The following BTN2A1 variants were observed in gnomAD, a reference collection of about 807,000 sequenced individuals.
BTN2A1 encodes the protein butyrophilin subfamily 2 member A1, also known as butyrophilin, subfamily 2, member A1.
In BTN2A1, 41 loss-of-function variants were observed where a neutral mutation model predicts 34.5. The observed-to-expected ratio is 1.19, with a 90% CI of 0.93 to 1.54. BTN2A1 has a LOEUF of 1.54. Among genes scored for constraint, BTN2A1 ranks in the 40% most tolerant of loss-of-function variants. The pLI is 0.00. For synonymous variants in BTN2A1, 267 were observed against 258.6 expected (o/e 1.03, Z -0.31); for missense variants, 642 against 662.0 (o/e 0.97, Z 0.33).
intron 3 of BTN2A1, chr6:26,462,937 T>G (rs1383488851): frequency 7.9e-7 from 1 of 1,270,822 alleles, no homozygotes; most frequent in Non-Finnish European, 1.0e-6. Flanking sequence ...GAACAAGCAT[T>G]TATGGCAGAC....
At chr6:26,464,805 A>G (rs974643140) in intron 4 of BTN2A1, among the ~76,000 whole-genome samples, 1 of 152,236 alleles carries the variant, frequency 6.6e-6, no homozygotes, top group Non-Finnish European at 1.5e-5. Flanking sequence ...AAGAAGTATC[A>G]TGATCACACT....
At chr6:26,467,894 A>G in intron 7 of BTN2A1, 54 bp from the exon 8 acceptor site, 1 of 1,581,266 alleles carries the variant, frequency 6.3e-7, no homozygotes, top group Non-Finnish European at 8.6e-7. Context: ...CAGGAACCAC[A>G]CAATCCCCAG....
At chr6:26,462,739 AG>A in intron 3 of BTN2A1, 11 of 1,168,202 alleles carry the variant, frequency 9.4e-6, no homozygotes, top group Non-Finnish European at 1.0e-5. Context: ...TTGGATCAAA[AG>A]GTTTCTTAGG....
chr6:26,467,881 G>T, intron 7 of BTN2A1, 67 bp from the exon 8 acceptor site: 1 of 1,572,990 alleles, frequency 6.4e-7, no homozygotes, highest in Non-Finnish European at 8.6e-7. Flanking sequence ...CCTCTCTGGG[G>T]ATCAGGAACC....
intron 1 of BTN2A1, 78 bp from the exon 2 acceptor site, chr6:26,458,529 T>C (rs970615429): frequency 4.2e-6 from 5 of 1,182,164 alleles, no homozygotes; most frequent in Non-Finnish European, 6.3e-6. Context: ...TGAGACCTAC[T>C]TGAGTGACGG....
chr6:26,476,554 T>A (rs3757150), exon 8 of BTN2A1: 49,527 of 301,002 alleles, frequency 0.16, 4,377 homozygotes, highest in African/African-American at 0.21. Flanking sequence ...GTTCACAGGA[T>A]CTCGGGGCTG....
chr6:26,468,114 A>G lies in BTN2A1; in HGVS notation c.1149A>G (p.Ser383=), dbSNP rs1156558311. 1 of 1,614,094 alleles carries G rather than the reference A, an allele frequency of 6.2e-7. No homozygotes were observed. The highest frequency in any genetic ancestry group is 1.3e-5 in the African/African-American group (1 of 74,934). The change falls in exon 8 of 8, where the codon TCA becomes TCG. Residue 383 remains serine (S), a synonymous_variant. Coordinates refer to ENST00000312541, the MANE Select transcript of BTN2A1 (RefSeq NM_007049.5). ...PCVLGRESFA[S]GKHYWEVEVE... ...TCCTAGGCCGGGAGAGCTTCGCTTC[A>G]GGGAAACATTACTGGGAGGTGGAGG...
chr6:26,461,532 T>C (rs368898132), intron 3 of BTN2A1, among the ~76,000 whole-genome samples: 10 of 152,222 alleles, frequency 6.6e-5, no homozygotes, highest in African/African-American at 2.4e-4. Context: ...CCTGTAATCC[T>C]AGCATTTTGG....
In BTN2A1 at chr6:26,467,952, T is replaced by C. The variant is rs1763361655; in HGVS notation, c.987T>C (p.Asp329=). The C allele has an allele frequency of 6.2e-7, 1 of 1,611,344 alleles. No homozygotes were observed. Among genetic ancestry groups the C allele is most frequent in the South Asian group, 1.1e-5 (1 of 91,026 alleles). ...AACCTGAGACTTCCTCTGCAGTTGA[T>C]GTGGTCCTGGATCCAGACACCGCTC... ...RWRRTFLHAV[D]VVLDPDTAHP... Residue 329 remains aspartate, a synonymous_variant, in exon 8 of 8, where the codon GAT becomes GAC. Transcript: ENST00000312541.
At chr6:26,464,669 T>G (rs1397807354) in intron 4 of BTN2A1, among the ~76,000 whole-genome samples, 1 of 151,954 alleles carries the variant, frequency 6.6e-6, no homozygotes, top group Non-Finnish European at 1.5e-5. Context: ...ATGGAGTGAG[T>G]GCAGGAAGTG....
chr6:26,468,104 G>C lies in BTN2A1; in HGVS notation c.1139G>C (p.Ser380Thr). The C allele has an allele frequency of 6.2e-7, 1 of 1,614,224 alleles. No individual in the cohort carries two copies. The highest frequency in any genetic ancestry group is 8.5e-7 in the Non-Finnish European group (1 of 1,180,044). The change falls in exon 8 of 8, where the codon AGC becomes ACC. Residue 380 changes from serine (S) to threonine (T), a missense_variant. Transcript: ENST00000312541. Reference sequence around the variant, plus strand: ...CAGCCTTGTGTCCTAGGCCGGGAGAGCTTCGCTTCAGGGAAACATTACTGG... The same window carrying C: ...CAGCCTTGTGTCCTAGGCCGGGAGACCTTCGCTTCAGGGAAACATTACTGG... Reference protein sequence around the residue: ...DSQPCVLGRESFASGKHYWEV... With the variant: ...DSQPCVLGRETFASGKHYWEV...
intron 7 of BTN2A1, 83 bp from the exon 8 acceptor site, chr6:26,467,865 C>G: frequency 6.4e-7 from 1 of 1,565,262 alleles, no homozygotes; most frequent in Non-Finnish European, 8.6e-7. Flanking sequence ...TCAGAGATAT[C>G]TGAGACCTCT....
rs1366774106 is a variant in BTN2A1 at position 26,476,144 on chromosome 6, T to C, written c.*12T>C. The C allele has an allele frequency of 2.0e-6, 3 of 1,536,270 alleles. No homozygotes were observed. In the South Asian group the frequency reaches 3.6e-5, roughly 18 times the overall value. Reference sequence around the variant, plus strand: ...TAGGGCCAGTTTGAAGCTTTATATATCATTTACCAAACTTAGGGTGGTGAG... The same window carrying C: ...TAGGGCCAGTTTGAAGCTTTATATACCATTTACCAAACTTAGGGTGGTGAG... On this transcript the variant is annotated 3_prime_UTR_variant, in exon 8 of 8. Coordinates refer to the BTN2A1 transcript ENST00000469185.
In BTN2A1 at chr6:26,462,249, G is replaced by A. The variant is rs1763185594; in HGVS notation, c.431-995G>A. On this transcript the variant is annotated intron_variant, in intron 3 of 7. Coordinates refer to ENST00000312541, the MANE Select transcript of BTN2A1 (RefSeq NM_007049.5). ...TTCATTTAAAGATGGATTGTAGTTA[G>A]GGTGAGTCTAGTTTCTTAGGATTTT... 2.0e-5 allele frequency among the ~76,000 whole-genome samples: 3 copies of A among 152,138 alleles called. No homozygotes were observed. In the South Asian group the frequency reaches 6.2e-4, roughly 31 times the overall value.
At chr6:26,465,555 A>G (rs1164736796) in intron 5 of BTN2A1, 149 bp downstream of exon 5, 5 of 812,284 alleles carry the variant, frequency 6.2e-6, no homozygotes, top group African/African-American at 3.5e-5. Context: ...GAAAAGAAAA[A>G]GAGTAGAAGG....
chr6:26,459,788 C>T lies in BTN2A1; in HGVS notation c.390C>T (p.Gly130=), dbSNP rs752690668. Residue 130 remains glycine (G), a synonymous_variant, in exon 3 of 8, where the codon GGC becomes GGT. Coordinates refer to ENST00000312541, the MANE Select transcript of BTN2A1 (RefSeq NM_007049.5). The stretch of plus-strand genomic sequence containing the variant: ...CCTACCGCTGTTACTTCCAAGAAGG[C>T]AGGTCCTACGATGAGGCCATCCTGC... The part of the protein sequence containing the change: ...NGTYRCYFQE[G]RSYDEAILHL... 1 of 1,614,114 alleles carries T rather than the reference C, an allele frequency of 6.2e-7. No individual in the cohort carries two copies. Among genetic ancestry groups the T allele is most frequent in the Admixed American group, 1.7e-5 (1 of 60,020 alleles).
intron 3 of BTN2A1, among the ~76,000 whole-genome samples, chr6:26,462,012 CTG>C (rs1272412049): frequency 1.1e-5 from 1 of 87,782 alleles, no homozygotes; most frequent in Non-Finnish European, 2.2e-5. Context: ...TAGAGTGAGA[CTG>C]TGTCAAAAAA....
chr6:26,467,878 G>A, intron 7 of BTN2A1, 70 bp from the exon 8 acceptor site: 7 of 1,571,280 alleles, frequency 4.5e-6, no homozygotes, highest in Non-Finnish European at 6.0e-6. Context: ...AGACCTCTCT[G>A]GGGATCAGGA....
At chr6:26,458,990 T>A (rs1269449841) in intron 2 of BTN2A1, among the ~76,000 whole-genome samples, 3 of 152,208 alleles carry the variant, frequency 2.0e-5, no homozygotes, top group Admixed American at 1.3e-4. Flanking sequence ...TATACTATAT[T>A]TTGTTTCGCC....
Sources: allele counts gnomAD v4.1 joint callset (sites outside exome capture counted in the v4.1 genomes callset), GRCh38; gene constraint gnomAD v4.1.1; transcripts MANE v1.5; gene names NCBI Gene and HGNC (gene_info 2026-07-23, HGNC 2026-07-21).